Variants in PRKCH observed in about 807,000 individuals in gnomAD.
The protein encoded by PRKCH is protein kinase C eta.
In PRKCH, 28 loss-of-function variants were observed where a neutral mutation model predicts 82.5. That is an observed-to-expected ratio of 0.34 (90% CI 0.25 to 0.47). The LOEUF (loss-of-function observed/expected upper bound fraction) is 0.47, where lower values mean the gene tolerates loss of function less well. Ranked by LOEUF, PRKCH falls within the 20% of genes least tolerant of loss-of-function variation. PRKCH has a pLI of 1.00. For missense variants in PRKCH, 705 were observed against 881.8 expected (o/e 0.80, Z 2.54); for synonymous variants, 322 against 327.4 (o/e 0.98, Z 0.18).
At chr14:61,277,681 A>C (rs1329010201) in intron 1 of PRKCH, 1 of 152,000 alleles carries the variant, frequency 6.6e-6, no homozygotes, top group Admixed American at 6.5e-5. Context: ...CTACTACAAA[A>C]ATTTTTAAAT....
chr14:61,495,975 A>G (rs1318620349), intron 10 of PRKCH, among the ~76,000 whole-genome samples: 2 of 152,246 alleles, frequency 1.3e-5, no homozygotes, highest in African/African-American at 4.8e-5. Flanking sequence ...ATTTGAGCAG[A>G]TGAACAAAGA....
intron 1 of PRKCH, among the ~76,000 whole-genome samples, chr14:61,210,093 A>AAAAC (rs1237992433): frequency 4.9e-4 from 65 of 132,494 alleles, no homozygotes; most frequent in East Asian, 2.0e-3. Context: ...AACAAAAAAC[A>AAAAC]AAACAAACAA....
intron 12 of PRKCH, among the ~76,000 whole-genome samples, chr14:61,533,905 A>G (rs903218180): frequency 6.6e-6 from 1 of 152,238 alleles, no homozygotes; most frequent in African/African-American, 2.4e-5. Context: ...AAGGTGTGCT[A>G]TGCCAACCAC....
Position 61,530,700 on chromosome 14 carries a change from A to C in PRKCH, c.1761+105A>C, listed in dbSNP as rs143832833. The C allele has an allele frequency of 3.3e-5, 35 of 1,074,638 alleles. No individual in the cohort carries two copies. The East Asian group carries it at 8.0e-4, about 25-fold the overall frequency. The allele number at this position is 1,074,638 out of a possible 1,614,324, so 66.6% of individuals were successfully genotyped here. A position where few individuals can be genotyped will look rare whatever the true frequency, so the allele number is the denominator to read the frequency against. On this transcript the variant is annotated intron_variant, in intron 12 of 13. Transcript: ENST00000332981. ...TTCCCACCAGTAAACCACTAGCTCT[A>C]ACTAAAATTTGTATTGTTCTAATCT...
At chr14:61,205,721 G>GTT (rs2044517860) in intron 1 of PRKCH, among the ~76,000 whole-genome samples, 2 of 152,126 alleles carry the variant, frequency 1.3e-5, no homozygotes, top group Non-Finnish European at 2.9e-5. Flanking sequence ...CTAAAATACA[G>GTT]GTAAAACACC....
intron 1 of PRKCH, among the ~76,000 whole-genome samples, chr14:61,275,886 T>C (rs2140088638): frequency 6.6e-6 from 1 of 152,364 alleles, no homozygotes. Context: ...AAAGGAATGC[T>C]GGTTTGCTCC....
intron 10 of PRKCH, among the ~76,000 whole-genome samples, chr14:61,504,846 CTG>C: frequency 6.6e-6 from 1 of 152,196 alleles, no homozygotes; most frequent in South Asian, 2.1e-4. Flanking sequence ...ATAAATTTGT[CTG>C]TAACTTTATA....
intron 1 of PRKCH, chr14:61,280,000 G>A (rs1289675474): frequency 5.4e-6 from 6 of 1,112,880 alleles, no homozygotes; most frequent in Non-Finnish European, 7.6e-6. Flanking sequence ...AGCTAGGCGA[G>A]GTTGGAATTG....
intron 1 of PRKCH, among the ~76,000 whole-genome samples, chr14:61,231,618 C>A (rs2044745071): frequency 6.6e-6 from 1 of 152,132 alleles, no homozygotes; most frequent in South Asian, 2.1e-4. Flanking sequence ...GTGATCCGCC[C>A]ACCTCGGCCT....
intron 1 of PRKCH, among the ~76,000 whole-genome samples, chr14:61,360,039 G>A (rs2046202479): frequency 6.6e-6 from 1 of 152,144 alleles, no homozygotes; most frequent in Admixed American, 6.5e-5. Context: ...TAGCGTATGT[G>A]GCATTCTCTC....
In PRKCH at chr14:61,427,610, A is replaced by AG. The variant is rs200724548; in HGVS notation, c.428-15498dup. On this transcript the variant is annotated intron_variant, in intron 2 of 13. Transcript: ENST00000332981. ...TGTTTTGTTTGTTTGTTTTTGAGAC[A>AG]GGGTCTCACTCTGTCTCCCAGGCTG... 6.6e-3 allele frequency among the ~76,000 whole-genome samples: 999 copies of AG among 152,206 alleles called. 13 individuals carry two copies. Among genetic ancestry groups the AG allele is most frequent in the African/African-American group, 0.023 (961 of 41,536 alleles).
intron 1 of PRKCH, among the ~76,000 whole-genome samples, chr14:61,356,439 C>G (rs2046151326): frequency 6.6e-6 from 1 of 152,156 alleles, no homozygotes; most frequent in South Asian, 2.1e-4. Context: ...TGGGATTCTC[C>G]TATGCCAAAT....
chr14:61,471,671 TA>T (rs558982417), intron 9 of PRKCH, among the ~76,000 whole-genome samples: 42 of 150,040 alleles, frequency 2.8e-4, no homozygotes, highest in African/African-American at 7.1e-4. Context: ...CCTTTACAAT[TA>T]AAAAAAAAAT....
At chr14:61,456,290 C>A (rs931993828) in intron 7 of PRKCH, among the ~76,000 whole-genome samples, 1 of 152,156 alleles carries the variant, frequency 6.6e-6, no homozygotes, top group Admixed American at 6.5e-5. Context: ...AGGCAGCTTG[C>A]TTGAGAGCTA....
Position 61,230,465 on chromosome 14 carries a change from G to A in PRKCH, c.-19+42797G>A, listed in dbSNP as rs191926757. ...TTTTCCATCTGTAAAGGGAAAAACT[G>A]TAATGTGCATTTAGTCCTCAAATGC... On this transcript the variant is annotated intron_variant, in intron 1 of 3. Transcript: ENST00000555185. 9.8e-4 allele frequency among the ~76,000 whole-genome samples: 149 copies of A among 152,300 alleles called. 1 individual carries two copies. Among genetic ancestry groups the A allele is most frequent in the Non-Finnish European group, 2.8e-4 (19 of 68,028 alleles).
chr14:61,375,615 T>A (rs1594637087), intron 1 of PRKCH, among the ~76,000 whole-genome samples: 1 of 148,782 alleles, frequency 6.7e-6, no homozygotes. Flanking sequence ...AGAGAGAGAG[T>A]GAAGGGGGAA....
intron 10 of PRKCH, among the ~76,000 whole-genome samples, chr14:61,511,540 T>C (rs1887374929): frequency 6.6e-6 from 1 of 152,212 alleles, no homozygotes; most frequent in South Asian, 2.1e-4. Context: ...TCCTGAACCA[T>C]ATAAGAAAGA....
At chr14:61,526,867 C>A (rs545799540) in intron 10 of PRKCH, among the ~76,000 whole-genome samples, 2 of 152,336 alleles carry the variant, frequency 1.3e-5, no homozygotes, top group South Asian at 2.1e-4. Flanking sequence ...ACCTAGCATC[C>A]CCCCCGTGAC....
chr14:61,459,248 C>A (rs1884922582), intron 9 of PRKCH, among the ~76,000 whole-genome samples: 1 of 152,152 alleles, frequency 6.6e-6, no homozygotes, highest in Non-Finnish European at 1.5e-5. Flanking sequence ...GTAGGGGATT[C>A]CACGAGAGCG....
Sources: gnomAD v4.1 joint callset for allele counts (sites outside exome capture counted in the v4.1 genomes callset) on GRCh38, gnomAD v4.1.1 for gene constraint, MANE v1.5 for transcripts, NCBI Gene and HGNC (gene_info 2026-07-23, HGNC 2026-07-21) for gene names.